The following CRTC3 variants were observed in gnomAD, a reference collection of about 807,000 sequenced individuals.
CRTC3 encodes CREB-regulated transcription coactivator 3.
Under a neutral mutation model 74.5 loss-of-function variants are expected in CRTC3, and 26 were observed. The observed-to-expected ratio is 0.35, with a 90% CI of 0.26 to 0.48. The LOEUF (loss-of-function observed/expected upper bound fraction) is 0.48. Ranked by LOEUF, CRTC3 falls within the 20% of genes least tolerant of loss-of-function variation. The pLI, the probability that CRTC3 is intolerant of heterozygous loss-of-function variation, is 0.99. For missense variants in CRTC3, 760 were observed against 787.3 expected (o/e 0.97, Z 0.41); for synonymous variants, 377 against 325.8 (o/e 1.16, Z -1.69).
At position 90,583,476 on chromosome 15, in the gene CRTC3, G is replaced by A. The variant is rs186068281; in HGVS notation, c.232-10160G>A. On this transcript the variant is annotated intron_variant, in intron 2 of 14. Coordinates refer to ENST00000268184, the MANE Select transcript of CRTC3 (RefSeq NM_022769.5). ...CACAGCAAGACTTATTTGGTCCTTT[G>A]GAGAAGATTGGATCCCCAGATCAGC... Among the ~76,000 whole-genome samples, 270 of 152,186 alleles carry A rather than the reference G, an allele frequency of 1.8e-3. 1 individual carries two copies. Among genetic ancestry groups the A allele is most frequent in the African/African-American group, 6.3e-3 (260 of 41,516 alleles).
In CRTC3 at chr15:90,566,964, G is replaced by A. The variant is rs572741655; in HGVS notation, c.232-26672G>A. Among the ~76,000 whole-genome samples the A allele has an allele frequency of 5.3e-5, 8 of 152,184 alleles. No homozygotes were observed. In the South Asian group the frequency reaches 1.7e-3, roughly 32 times the overall value. ...GACCTCAGGTAACTCACCCTTCTTG[G>A]CCTCCTGAAGTGCTGGGATTGCAGG... is the stretch of plus-strand genomic sequence containing the variant. On this transcript the variant is annotated intron_variant, in intron 2 of 14. Coordinates refer to ENST00000268184, the MANE Select transcript of CRTC3 (RefSeq NM_022769.5).
chr15:90,578,601 GTTATA>G (rs1232046925), intron 2 of CRTC3, among the ~76,000 whole-genome samples: 4 of 152,112 alleles, frequency 2.6e-5, no homozygotes, highest in East Asian at 3.9e-4. Flanking sequence ...CATGTATAGA[GTTATA>G]TTATACACAT....
intron 3 of CRTC3, chr15:90,598,583 T>C: frequency 1.4e-6 from 1 of 699,096 alleles, no homozygotes; most frequent in South Asian, 1.5e-5. Context: ...CTAACATGAG[T>C]GTCTTGGTGG....
chr15:90,539,005 G>A (rs1966763175), intron 1 of CRTC3, among the ~76,000 whole-genome samples: 1 of 152,080 alleles, frequency 6.6e-6, no homozygotes, highest in Admixed American at 6.6e-5. Flanking sequence ...GGATGAAGTG[G>A]GCCAAGTGTC....
intron 2 of CRTC3, among the ~76,000 whole-genome samples, chr15:90,565,385 A>G (rs1318369813): frequency 6.6e-6 from 1 of 152,268 alleles, no homozygotes; most frequent in Non-Finnish European, 1.5e-5. Flanking sequence ...ATAAATGCCA[A>G]TAAAGGCTAA....
At position 90,604,544 on chromosome 15, in the gene CRTC3, A is replaced by G. The variant is rs1483399692; in HGVS notation, c.476+97A>G. Reference sequence around the variant, plus strand: ...TCCAGTTGCCAGAGTGTGTTTATGTAAGCTGTGTTGATATGACATGTTCAA... The same window carrying G: ...TCCAGTTGCCAGAGTGTGTTTATGTGAGCTGTGTTGATATGACATGTTCAA... On this transcript the variant is annotated intron_variant, in intron 5 of 14. Transcript: ENST00000268184. 2.3e-5 allele frequency: 22 copies of G among 956,496 alleles called. No individual in the cohort carries two copies. The Admixed American group carries it at 4.1e-4, about 18-fold the overall frequency. The allele number at this position is 956,496 out of a possible 1,614,324, so 59.3% of individuals were successfully genotyped here.
chr15:90,633,601 G>GTC (rs1331235282), intron 11 of CRTC3, among the ~76,000 whole-genome samples: 1 of 152,150 alleles, frequency 6.6e-6, no homozygotes, highest in Non-Finnish European at 1.5e-5. Flanking sequence ...CTTGGCGTGA[G>GTC]TCTGCATATT....
chr15:90,615,793 C>T lies in CRTC3; in HGVS notation c.613+1305C>T, dbSNP rs1003778799. Among the ~76,000 whole-genome samples, 30 of 152,152 alleles carry T rather than the reference C, an allele frequency of 2.0e-4. 1 individual carries two copies. The highest frequency in any genetic ancestry group is 1.5e-5 in the Non-Finnish European group (1 of 68,026). On this transcript the variant is annotated intron_variant, in intron 7 of 14. Transcript: ENST00000268184. ...GTGTGTGATGACACCTTACTCAGTC[C>T]TTCAAACTTTTCCCAGCATTTGACA... is the stretch of plus-strand genomic sequence containing the variant.
intron 1 of CRTC3, among the ~76,000 whole-genome samples, chr15:90,532,387 A>G (rs1458408811): frequency 6.6e-6 from 1 of 152,252 alleles, no homozygotes; most frequent in Admixed American, 6.5e-5. Context: ...TTGGAGGAGT[A>G]TCTGCCTAGT....
chr15:90,536,490 C>CAA (rs34900618), intron 1 of CRTC3, among the ~76,000 whole-genome samples: 65,088 of 141,306 alleles, frequency 0.46, 15,317 homozygotes, highest in Non-Finnish European at 0.55. Flanking sequence ...GACCCTGTCT[C>CAA]AAAAAAAAAA....
At chr15:90,534,296 G>A (rs1050797288) in intron 1 of CRTC3, among the ~76,000 whole-genome samples, 1 of 152,200 alleles carries the variant, frequency 6.6e-6, no homozygotes, top group Non-Finnish European at 1.5e-5. Flanking sequence ...ACACTGGCAG[G>A]AGCAGGTTTG....
At chr15:90,622,354 C>T (rs61343485) in intron 9 of CRTC3, among the ~76,000 whole-genome samples, 1,833 of 152,184 alleles carry the variant, frequency 0.012, 40 homozygotes, top group African/African-American at 0.042. Context: ...CACATTTTTT[C>T]CATCCTTGCT....
chr15:90,605,587 T>C (rs2151083306), intron 5 of CRTC3, among the ~76,000 whole-genome samples: 2 of 100,676 alleles, frequency 2.0e-5, no homozygotes, highest in Middle Eastern at 9.4e-3. Context: ...CGTTTGATAT[T>C]CTCTTGAGTC....
chr15:90,574,390 A>G (rs1967351647), intron 2 of CRTC3, among the ~76,000 whole-genome samples: 1 of 152,116 alleles, frequency 6.6e-6, no homozygotes, highest in Non-Finnish European at 1.5e-5. Context: ...AGGCAGGAGG[A>G]TAGCTTGAAC....
chr15:90,554,811 T>C (rs1966875348), intron 2 of CRTC3, among the ~76,000 whole-genome samples: 1 of 152,246 alleles, frequency 6.6e-6, no homozygotes, highest in Admixed American at 6.5e-5. Context: ...CCAGGGATCC[T>C]CCCACACCAG....
At chr15:90,536,930 T>C (rs761316434) in intron 1 of CRTC3, among the ~76,000 whole-genome samples, 11 of 152,328 alleles carry the variant, frequency 7.2e-5, no homozygotes, top group Non-Finnish European at 1.5e-4. Context: ...TCAGGAGAAG[T>C]TGGAAATCCA....
In CRTC3 at chr15:90,642,002, C is replaced by T. The variant is rs772940186; in HGVS notation, c.1722C>T (p.Asn574=). The part of the protein sequence containing the change: ...ALAGLPEVSL[N]VDTPFPLEEE... ...CAGGCCTGCCTGAGGTCAGCCTGAA[C>T]GTGGACACTCCATTTCCACTGGAAG... The change falls in exon 15 of 15, where the codon AAC becomes AAT. Residue 574 remains asparagine, a synonymous_variant. Transcript: ENST00000268184. 2.6e-5 allele frequency: 42 copies of T among 1,613,760 alleles called. No individual in the cohort carries two copies. Among genetic ancestry groups the T allele is most frequent in the Middle Eastern group, 1.6e-4 (1 of 6,078 alleles).
chr15:90,582,548 C>G (rs1041494581), intron 2 of CRTC3, among the ~76,000 whole-genome samples: 4 of 152,258 alleles, frequency 2.6e-5, no homozygotes, highest in Admixed American at 2.0e-4. Context: ...ATTATGCAGC[C>G]TAGTAGTAAA....
chr15:90,596,609 C>A (rs1376871346), intron 3 of CRTC3, among the ~76,000 whole-genome samples: 1 of 152,060 alleles, frequency 6.6e-6, no homozygotes, highest in Non-Finnish European at 1.5e-5. Flanking sequence ...AGTTCTTTAG[C>A]CCAGTCTCTT....
Sources: gnomAD v4.1 joint callset for allele counts (sites outside exome capture counted in the v4.1 genomes callset) on GRCh38, gnomAD v4.1.1 for gene constraint, MANE v1.5 for transcripts, NCBI Gene and HGNC (gene_info 2026-07-23, HGNC 2026-07-21) for gene names.